The following ZNF721 variants were observed in gnomAD, a reference collection of about 807,000 sequenced individuals.
ZNF721 encodes zinc finger protein 721.
A neutral mutation model predicts 2.4 loss-of-function variants in ZNF721; 2 were observed. The observed-to-expected ratio is 0.82, with a 90% CI of 0.34 to 2.58. The LOEUF is 2.58. Among genes scored for constraint, ZNF721 ranks in the 30% most tolerant of loss-of-function variants. ZNF721 has a pLI of 0.11. For missense variants in ZNF721, 1,187 were observed against 1,085.5 expected, an observed-to-expected ratio of 1.09 and a Z score of -1.31; for synonymous variants, 398 against 381.8, an observed-to-expected ratio of 1.04 and a Z score of -0.50.
At chr4:446,957 A>ATTACT (rs1714496823) in intron 2 of ZNF721, among the ~76,000 whole-genome samples, 1 of 152,114 alleles carries the variant, frequency 6.6e-6, no homozygotes, top group Admixed American at 6.5e-5. Flanking sequence ...AATTGCTGGG[A>ATTACT]TTACACACGT....
chr4:445,762 A>G (rs1714454017), intron 2 of ZNF721, among the ~76,000 whole-genome samples: 2 of 152,172 alleles, frequency 1.3e-5, no homozygotes, highest in Admixed American at 1.3e-4. Context: ...AGCTCAACAA[A>G]CTTCAACTAG....
chr4:491,763 G>A (rs1716027740), intron 1 of ZNF721, among the ~76,000 whole-genome samples: 1 of 152,140 alleles, frequency 6.6e-6, no homozygotes, highest in African/African-American at 2.4e-5. Context: ...AGGACTTGGT[G>A]TCCTTTTTAG....
chr4:449,570 A>T (rs190672900), intron 2 of ZNF721, among the ~76,000 whole-genome samples: 2 of 152,304 alleles, frequency 1.3e-5, no homozygotes, highest in Non-Finnish European at 2.9e-5. Context: ...AAGAAGCAAA[A>T]ATATGCAAAT....
At chr4:465,076 T>G (rs1268486386) in intron 2 of ZNF721, among the ~76,000 whole-genome samples, 7 of 142,902 alleles carry the variant, frequency 4.9e-5, no homozygotes, top group African/African-American at 1.8e-4. Context: ...TAGAGCAAGA[T>G]TCCATTAAAA....
At chr4:490,692 CATT>C (rs1553871350) in intron 1 of ZNF721, among the ~76,000 whole-genome samples, 2 of 152,070 alleles carry the variant, frequency 1.3e-5, no homozygotes, top group Non-Finnish European at 2.9e-5. Context: ...AAATAATTGT[CATT>C]ATATTGTTTC....
chr4:484,904 C>T (rs1365402069), intron 1 of ZNF721, among the ~76,000 whole-genome samples: 2 of 152,200 alleles, frequency 1.3e-5, no homozygotes, highest in African/African-American at 4.8e-5. Flanking sequence ...TTTTGAAAAT[C>T]TCGAATAAAA....
At chr4:463,485 A>G (rs1715133689) in intron 2 of ZNF721, among the ~76,000 whole-genome samples, 1 of 152,252 alleles carries the variant, frequency 6.6e-6, no homozygotes, top group Non-Finnish European at 1.5e-5. Flanking sequence ...TGTTTACAGT[A>G]GCAAAGATTT....
chr4:480,975 T>A (rs1235007809), intron 1 of ZNF721, among the ~76,000 whole-genome samples: 1 of 152,066 alleles, frequency 6.6e-6, no homozygotes, highest in African/African-American at 2.4e-5. Flanking sequence ...CAGGCTGGAG[T>A]GCAGTGGTGT....
At chr4:480,103 G>A (rs1166533643) in intron 1 of ZNF721, among the ~76,000 whole-genome samples, 1 of 152,082 alleles carries the variant, frequency 6.6e-6, no homozygotes, top group Non-Finnish European at 1.5e-5. Flanking sequence ...AAGTCAATGT[G>A]GGGCTGAATT....
chr4:464,977 C>T (rs1044595391), intron 2 of ZNF721, among the ~76,000 whole-genome samples: 4 of 150,974 alleles, frequency 2.6e-5, no homozygotes, highest in East Asian at 2.0e-4. Context: ...CTCAGCTACT[C>T]GGGAGGCTGA....
At chr4:470,974 T>G (rs2108711105) in intron 2 of ZNF721, among the ~76,000 whole-genome samples, 1 of 150,348 alleles carries the variant, frequency 6.7e-6, no homozygotes, top group African/African-American at 2.5e-5. Flanking sequence ...CACTGTAGCC[T>G]GGTGACAGAG....
chr4:448,290 G>T (rs1391359621), intron 2 of ZNF721, among the ~76,000 whole-genome samples: 1 of 151,870 alleles, frequency 6.6e-6, no homozygotes, highest in African/African-American at 2.4e-5. Context: ...CAAAAAATTA[G>T]CCAGGCATGG....
At chr4:493,312 T>C (rs1716072155) in intron 1 of ZNF721, among the ~76,000 whole-genome samples, 1 of 152,160 alleles carries the variant, frequency 6.6e-6, no homozygotes, top group Admixed American at 6.5e-5. Flanking sequence ...ACAAAGATGG[T>C]AACAGTCCTT....
intron 1 of ZNF721, among the ~76,000 whole-genome samples, chr4:481,106 G>C (rs1385841993): frequency 6.6e-6 from 1 of 152,106 alleles, no homozygotes; most frequent in African/African-American, 2.4e-5. Flanking sequence ...ATTTTTTGTA[G>C]AGATGGGGTC....
intron 2 of ZNF721, among the ~76,000 whole-genome samples, chr4:461,479 A>G (rs566037866): frequency 6.6e-6 from 1 of 152,334 alleles, no homozygotes; most frequent in African/African-American, 2.4e-5. Context: ...TATTTATGAC[A>G]AACACAGCCA....
chr4:495,663 T>C (rs1211598169), intron 1 of ZNF721, among the ~76,000 whole-genome samples: 2 of 151,944 alleles, frequency 1.3e-5, no homozygotes, highest in Non-Finnish European at 2.9e-5. Context: ...TGCAGTGACG[T>C]GTGATCTCGG....
intron 2 of ZNF721, among the ~76,000 whole-genome samples, chr4:450,956 A>AATATATAT (rs71166812): frequency 3.1e-5 from 2 of 63,748 alleles, no homozygotes; most frequent in African/African-American, 1.5e-4. Flanking sequence ...AAAAAAAAAA[A>AATATATAT]ATATATATAT....
At chr4:462,562 C>A (rs989839523) in intron 2 of ZNF721, among the ~76,000 whole-genome samples, 10 of 152,112 alleles carry the variant, frequency 6.6e-5, no homozygotes, top group African/African-American at 2.4e-4. Context: ...GAGATACAGA[C>A]CAATGGAACA....
chr4:452,562 G>A (rs544930297), intron 2 of ZNF721, among the ~76,000 whole-genome samples: 10 of 152,152 alleles, frequency 6.6e-5, no homozygotes, highest in Admixed American at 1.3e-4. Context: ...CTGAACAAGC[G>A]GTGCAACTGA....
Sources: gnomAD v4.1 joint callset for allele counts (sites outside exome capture counted in the v4.1 genomes callset) on GRCh38, gnomAD v4.1.1 for gene constraint, MANE v1.5 for transcripts, NCBI Gene and HGNC (gene_info 2026-07-23, HGNC 2026-07-21) for gene names.